ARSB: variants seen among roughly 807,000 people sequenced by gnomAD.
The protein encoded by ARSB is N-acetylgalactosamine-4-sulfatase.
Under a neutral mutation model 50.9 loss-of-function variants are expected in ARSB, and 41 were observed. The observed-to-expected ratio is 0.81, with a 90% CI of 0.63 to 1.04. ARSB has a LOEUF of 1.04. Ranked by LOEUF, ARSB falls within the 50% of genes least tolerant of loss-of-function variation. The pLI, the probability that ARSB is intolerant of heterozygous loss-of-function variation, is 0.00. For synonymous variants in ARSB, 269 were observed against 284.8 expected (o/e 0.94, Z 0.56); for missense variants, 672 against 693.3 (o/e 0.97, Z 0.35).
chr5:78,873,038 A>G (rs1369107061), intron 5 of ARSB, among the ~76,000 whole-genome samples: 2 of 152,178 alleles, frequency 1.3e-5, no homozygotes, highest in African/African-American at 2.4e-5. Flanking sequence ...CGAGTTAAAA[A>G]AAATAGAAAA....
intron 6 of ARSB, among the ~76,000 whole-genome samples, chr5:78,808,170 A>G (rs1743652667): frequency 6.6e-6 from 1 of 151,774 alleles, no homozygotes; most frequent in African/African-American, 2.4e-5. Context: ...TGAGCATCAT[A>G]ATAAACACCA....
chr5:78,827,184 G>C (rs1338042854), intron 6 of ARSB, among the ~76,000 whole-genome samples: 1 of 152,076 alleles, frequency 6.6e-6, no homozygotes, highest in Non-Finnish European at 1.5e-5. Context: ...CACTAAACTA[G>C]TTATAAATAT....
At chr5:78,945,367 G>A (rs775027717) in intron 4 of ARSB, among the ~76,000 whole-genome samples, 6 of 152,096 alleles carry the variant, frequency 3.9e-5, no homozygotes, top group Non-Finnish European at 5.9e-5. Context: ...CTTCTGCGTC[G>A]CACATGTTGG....
chr5:78,890,737 A>C (rs1748254397), intron 4 of ARSB, among the ~76,000 whole-genome samples: 1 of 151,868 alleles, frequency 6.6e-6, no homozygotes, highest in Non-Finnish European at 1.5e-5. Flanking sequence ...TTGGGTATCA[A>C]CTCCTGTCCT....
At chr5:78,885,561 G>A in intron 5 of ARSB, 23 bp downstream of exon 5, 1 of 1,610,986 alleles carries the variant, frequency 6.2e-7, no homozygotes. Context: ...GTCCTGGGAG[G>A]AAAAAGGGCA....
intron 4 of ARSB, among the ~76,000 whole-genome samples, chr5:78,912,206 G>C (rs1749341736): frequency 6.6e-6 from 1 of 152,190 alleles, no homozygotes; most frequent in East Asian, 1.9e-4. Flanking sequence ...AAAAGCCATG[G>C]GAAATTGAAG....
intron 4 of ARSB, among the ~76,000 whole-genome samples, chr5:78,928,027 G>A (rs1017142284): frequency 1.2e-4 from 19 of 152,162 alleles, no homozygotes; most frequent in Non-Finnish European, 2.5e-4. Flanking sequence ...CAGACTGTGC[G>A]CAGACAGACT....
intron 4 of ARSB, among the ~76,000 whole-genome samples, chr5:78,907,429 G>A (rs1236016647): frequency 6.6e-6 from 1 of 152,188 alleles, no homozygotes; most frequent in Non-Finnish European, 1.5e-5. Flanking sequence ...ACTGGAGTGA[G>A]TCATGAGATC....
chr5:78,949,923 C>T (rs1751425938), intron 4 of ARSB, among the ~76,000 whole-genome samples: 1 of 151,896 alleles, frequency 6.6e-6, no homozygotes, highest in South Asian at 2.1e-4. Context: ...AAAAACAAAA[C>T]AAACAAAAAA....
chr5:78,950,077 G>A (rs146115417), intron 4 of ARSB, among the ~76,000 whole-genome samples: 40 of 152,222 alleles, frequency 2.6e-4, no homozygotes, highest in Non-Finnish European at 5.0e-4. Flanking sequence ...TTTTACTCCA[G>A]GTCAGATTCC....
At chr5:78,976,568 A>C (rs640837) in intron 1 of ARSB, among the ~76,000 whole-genome samples, 57,437 of 151,908 alleles carry the variant, frequency 0.38, 11,635 homozygotes, top group Non-Finnish European at 0.44. Context: ...TAGGCCTCCC[A>C]AATTGCTGGG....
chr5:78,961,485 C>T (rs1025157706), intron 3 of ARSB, among the ~76,000 whole-genome samples: 4 of 152,126 alleles, frequency 2.6e-5, no homozygotes, highest in Admixed American at 2.0e-4. Context: ...CTACGAACAG[C>T]GGCTATGGTA....
At chr5:78,815,409 A>T in intron 6 of ARSB, 1 of 421,308 alleles carries the variant, frequency 2.4e-6, no homozygotes, top group Non-Finnish European at 3.2e-6. Context: ...AACAGAAGAG[A>T]GCAGGCCACA....
intron 5 of ARSB, among the ~76,000 whole-genome samples, chr5:78,851,870 C>T (rs143930011): frequency 1.3e-5 from 2 of 151,738 alleles, no homozygotes; most frequent in African/African-American, 2.4e-5. Flanking sequence ...TTATCAGAGA[C>T]TAGGATTGCA....
At chr5:78,791,679 G>A (rs954259891) in intron 6 of ARSB, among the ~76,000 whole-genome samples, 1 of 152,184 alleles carries the variant, frequency 6.6e-6, no homozygotes, top group African/African-American at 2.4e-5. Context: ...GTGTGGTAAG[G>A]GCTTACATAT....
intron 5 of ARSB, among the ~76,000 whole-genome samples, chr5:78,842,601 G>A (rs1745274382): frequency 6.6e-6 from 1 of 152,016 alleles, no homozygotes; most frequent in African/African-American, 2.4e-5. Flanking sequence ...TCAAAGAAAG[G>A]GAAGTTCAGT....
At chr5:78,864,625 C>T (rs191104384) in intron 5 of ARSB, among the ~76,000 whole-genome samples, 1 of 152,234 alleles carries the variant, frequency 6.6e-6, no homozygotes. Context: ...CCCAACAGTC[C>T]CCCAAAGTCT....
At chr5:78,862,551 T>G (rs1275130960) in intron 5 of ARSB, among the ~76,000 whole-genome samples, 1 of 152,170 alleles carries the variant, frequency 6.6e-6, no homozygotes, top group African/African-American at 2.4e-5. Context: ...TAGCCATATG[T>G]AGAAAGCTGA....
At chr5:78,983,215 G>A (rs1454371044) in intron 1 of ARSB, among the ~76,000 whole-genome samples, 3 of 152,016 alleles carry the variant, frequency 2.0e-5, no homozygotes, top group African/African-American at 7.3e-5. Context: ...CACCACACTC[G>A]GCTAATTTTT....
Sources: gnomAD v4.1 joint callset for allele counts (sites outside exome capture counted in the v4.1 genomes callset) on GRCh38, gnomAD v4.1.1 for gene constraint, MANE v1.5 for transcripts, NCBI Gene and HGNC (gene_info 2026-07-23, HGNC 2026-07-21) for gene names.